CADM2: variants seen among roughly 807,000 people sequenced by gnomAD.
CADM2 encodes the protein immunoglobulin superfamily member 4D.
In CADM2, 12 loss-of-function variants were observed where a neutral mutation model predicts 49.8. That is an observed-to-expected ratio of 0.24 (90% CI 0.15 to 0.39). The LOEUF (loss-of-function observed/expected upper bound fraction) is 0.39. CADM2 is among the 10% of genes least tolerant of loss of function. The pLI is 1.00. For missense variants in CADM2, 378 were observed against 492.3 expected, an observed-to-expected ratio of 0.77 and a Z score of 2.20; for synonymous variants, 214 against 175.4, an observed-to-expected ratio of 1.22 and a Z score of -1.74.
At chr3:85,437,576 T>G (rs1223125584) in intron 1 of CADM2, among the ~76,000 whole-genome samples, 1 of 152,150 alleles carries the variant, frequency 6.6e-6, no homozygotes, top group Non-Finnish European at 1.5e-5. Flanking sequence ...TCACTGTTGT[T>G]TTAATTTAAA....
At chr3:85,163,149 G>A (rs1576018236) in intron 1 of CADM2, among the ~76,000 whole-genome samples, 1 of 152,128 alleles carries the variant, frequency 6.6e-6, no homozygotes, top group East Asian at 1.9e-4. Flanking sequence ...TATGATTAAT[G>A]TGACCCTATC....
chr3:85,426,291 A>G (rs1450447650), intron 1 of CADM2, among the ~76,000 whole-genome samples: 1 of 151,780 alleles, frequency 6.6e-6, no homozygotes, highest in African/African-American at 2.4e-5. Flanking sequence ...ACAGATGTGC[A>G]CCATCACACA....
intron 1 of CADM2, among the ~76,000 whole-genome samples, chr3:85,012,317 GC>G (rs2034037442): frequency 6.9e-6 from 1 of 144,032 alleles, no homozygotes; most frequent in African/African-American, 2.8e-5. Context: ...TTTGCAAAAT[GC>G]TTTTTTTTTT....
At chr3:85,848,403 TTAG>T (rs2074967271) in intron 3 of CADM2, among the ~76,000 whole-genome samples, 1 of 152,134 alleles carries the variant, frequency 6.6e-6, no homozygotes, top group South Asian at 2.1e-4. Context: ...CATGTTTCTC[TTAG>T]TAGTATGCAA....
intron 7 of CADM2, among the ~76,000 whole-genome samples, chr3:85,945,416 C>A (rs1346710420): frequency 6.6e-6 from 1 of 151,866 alleles, no homozygotes; most frequent in Admixed American, 6.6e-5. Context: ...GAATCCTCCC[C>A]AACTCGTTTT....
At chr3:85,634,565 C>G (rs11926266) in intron 1 of CADM2, among the ~76,000 whole-genome samples, 30,513 of 151,910 alleles carry the variant, frequency 0.2, 3,339 homozygotes, top group East Asian at 0.39. Flanking sequence ...TCTGTCAAAT[C>G]AAAGTTGAGT....
At chr3:85,601,601 T>G (rs927512892) in intron 1 of CADM2, among the ~76,000 whole-genome samples, 2 of 151,566 alleles carry the variant, frequency 1.3e-5, no homozygotes, top group African/African-American at 4.8e-5. Context: ...TTTACTCAGC[T>G]TTTTCTTTTT....
chr3:85,275,471 A>G (rs895205075), intron 1 of CADM2, among the ~76,000 whole-genome samples: 1 of 151,546 alleles, frequency 6.6e-6, no homozygotes, highest in Non-Finnish European at 1.5e-5. Context: ...AAATACATAG[A>G]CATAGAGGTA....
intron 1 of CADM2, among the ~76,000 whole-genome samples, chr3:85,010,926 T>C (rs189391703): frequency 0.022 from 2,842 of 129,926 alleles, 111 homozygotes; most frequent in African/African-American, 0.078. Flanking sequence ...TGCAGTGGCG[T>C]GATCTCAGCT....
intron 1 of CADM2, among the ~76,000 whole-genome samples, chr3:85,694,758 G>C (rs1376031624): frequency 6.6e-6 from 1 of 151,964 alleles, no homozygotes; most frequent in Admixed American, 6.6e-5. Flanking sequence ...CTGAGTCAAT[G>C]GAGTGCTTAA....
chr3:85,562,478 C>CAAAAAA (rs10533481), intron 1 of CADM2, among the ~76,000 whole-genome samples: 1 of 65,500 alleles, frequency 1.5e-5, no homozygotes, highest in African/African-American at 7.9e-5. Flanking sequence ...AACTCCATCT[C>CAAAAAA]AAAAAAAAAA....
intron 1 of CADM2, among the ~76,000 whole-genome samples, chr3:85,699,331 G>A (rs973748306): frequency 3.9e-5 from 6 of 152,170 alleles, no homozygotes; most frequent in African/African-American, 1.4e-4. Flanking sequence ...AGCTCCACTA[G>A]ATAGTGCCAT....
chr3:85,636,907 G>T (rs2064505035), intron 1 of CADM2, among the ~76,000 whole-genome samples: 2 of 152,098 alleles, frequency 1.3e-5, no homozygotes, highest in South Asian at 4.1e-4. Flanking sequence ...ACTCTATGAT[G>T]TCTACACAAC....
chr3:85,313,166 G>A (rs2044387191), intron 1 of CADM2, among the ~76,000 whole-genome samples: 1 of 152,188 alleles, frequency 6.6e-6, no homozygotes. Flanking sequence ...TTTCTCTCAG[G>A]CAAGCGGCTA....
At chr3:85,592,240 T>C (rs2063127038) in intron 1 of CADM2, among the ~76,000 whole-genome samples, 1 of 151,850 alleles carries the variant, frequency 6.6e-6, no homozygotes, top group South Asian at 2.1e-4. Flanking sequence ...TGTAGAGAAA[T>C]AACAGGTTTT....
At chr3:85,676,832 A>C (rs1231081780) in intron 1 of CADM2, among the ~76,000 whole-genome samples, 1 of 152,132 alleles carries the variant, frequency 6.6e-6, no homozygotes, top group African/African-American at 2.4e-5. Flanking sequence ...TTCCTTTGAC[A>C]CCACCATCGC....
At chr3:85,768,459 A>G (rs540843763) in intron 2 of CADM2, among the ~76,000 whole-genome samples, 290 of 97,024 alleles carry the variant, frequency 3.0e-3, no homozygotes, top group Non-Finnish European at 5.1e-3. Flanking sequence ...ATAAATAAAT[A>G]AATAAATAAA....
intron 6 of CADM2, among the ~76,000 whole-genome samples, chr3:85,916,433 G>C (rs531463464): frequency 9.5e-4 from 142 of 149,378 alleles, no homozygotes; most frequent in African/African-American, 3.3e-3. Flanking sequence ...TTGGTTTTTT[G>C]TCCTTGAGAT....
chr3:85,350,617 T>C (rs1167885997), intron 1 of CADM2, among the ~76,000 whole-genome samples: 1 of 152,190 alleles, frequency 6.6e-6, no homozygotes, highest in African/African-American at 2.4e-5. Context: ...TACTGTGATC[T>C]TTCATAGAGT....
Sources: allele counts gnomAD v4.1 joint callset (sites outside exome capture counted in the v4.1 genomes callset), GRCh38; gene constraint gnomAD v4.1.1; transcripts MANE v1.5; gene names NCBI Gene and HGNC (gene_info 2026-07-23, HGNC 2026-07-21).